GABRG1: variants seen among roughly 807,000 people sequenced by gnomAD.
The protein encoded by GABRG1 is gamma-aminobutyric acid receptor subunit gamma-1.
In GABRG1, 49 loss-of-function variants were observed where a neutral mutation model predicts 49.8. That is an observed-to-expected ratio of 0.98 (90% CI 0.78 to 1.25). The LOEUF (loss-of-function observed/expected upper bound fraction) is 1.25, where lower values mean the gene tolerates loss of function less well. Ranked by LOEUF, GABRG1 falls within the 50% of genes most tolerant of loss-of-function variation. The probability of loss-of-function intolerance (pLI) is 0.00; values close to 1 mark genes in which losing one functional copy is unlikely to be tolerated. For synonymous variants in GABRG1, 232 were observed against 185.1 expected, an observed-to-expected ratio of 1.25 and a Z score of -2.06; for missense variants, 552 against 552.3, an observed-to-expected ratio of 1.00 and a Z score of 0.01.
chr4:46,061,310 C>T (rs996242135), intron 5 of GABRG1, among the ~76,000 whole-genome samples: 1 of 150,956 alleles, frequency 6.6e-6, no homozygotes, highest in Non-Finnish European at 1.5e-5. Context: ...TTTAATGAGA[C>T]AAAATCATTA....
intron 2 of GABRG1, 44 bp from the exon 3 acceptor site, chr4:46,084,097 C>T: frequency 1.8e-6 from 2 of 1,088,590 alleles, no homozygotes; most frequent in Non-Finnish European, 2.7e-6. Context: ...TATGATTAGA[C>T]ATTGTTTTAA....
intron 3 of GABRG1, among the ~76,000 whole-genome samples, chr4:46,073,933 C>T (rs977058457): frequency 1.3e-5 from 2 of 151,990 alleles, no homozygotes; most frequent in Non-Finnish European, 2.9e-5. Flanking sequence ...TAACTGAAAC[C>T]ACAGAAAGCA....
intron 8 of GABRG1, among the ~76,000 whole-genome samples, chr4:46,042,333 A>G (rs1717818793): frequency 6.6e-6 from 1 of 152,014 alleles, no homozygotes; most frequent in Non-Finnish European, 1.5e-5. Context: ...TGTTACTGGA[A>G]AAAAGTTAAT....
chr4:46,088,807 GTGTGTGTT>G (rs1166397947), intron 2 of GABRG1, among the ~76,000 whole-genome samples: 57 of 144,368 alleles, frequency 3.9e-4, no homozygotes, highest in African/African-American at 7.9e-4. Context: ...GTGTGTGTTT[GTGTGTGTT>G]TGTGTGTGTG....
intron 3 of GABRG1, among the ~76,000 whole-genome samples, chr4:46,078,190 T>G (rs1719430392): frequency 6.6e-6 from 1 of 151,868 alleles, no homozygotes; most frequent in Non-Finnish European, 1.5e-5. Context: ...AAAATACAAA[T>G]GTGTTTCCTA....
At chr4:46,059,232 C>T (rs1468747048) in intron 5 of GABRG1, among the ~76,000 whole-genome samples, 1 of 152,090 alleles carries the variant, frequency 6.6e-6, no homozygotes, top group Non-Finnish European at 1.5e-5. Context: ...CAACATTGCT[C>T]TAGTAACATT....
chr4:46,063,699 G>C (rs1264152538), intron 5 of GABRG1, among the ~76,000 whole-genome samples: 1 of 152,042 alleles, frequency 6.6e-6, no homozygotes, highest in East Asian at 1.9e-4. Flanking sequence ...TTAAACTAAA[G>C]AGCTTCTGCA....
chr4:46,071,865 C>T (rs1382390153), intron 3 of GABRG1, among the ~76,000 whole-genome samples: 2 of 151,958 alleles, frequency 1.3e-5, no homozygotes, highest in East Asian at 3.9e-4. Flanking sequence ...ATTCAGTAAG[C>T]TGATAATAAT....
rs528794994 is a variant in GABRG1, at chr4:46,048,297, G to A, written c.1131+3127C>T. On this transcript the variant is annotated intron_variant, in intron 8 of 8. Transcript: ENST00000295452. ...ATTAGTAATAATATATATTGGATGGGCATATGAAACAATCCAAAATGTCAT... is the reference window on the plus strand; with the variant it reads ...ATTAGTAATAATATATATTGGATGGACATATGAAACAATCCAAAATGTCAT... Among the ~76,000 whole-genome samples the A allele has an allele frequency of 6.6e-5, 10 of 151,466 alleles. 1 individual carries two copies. The highest frequency in any genetic ancestry group is 1.7e-4 in the African/African-American group (7 of 41,316).
intron 2 of GABRG1, among the ~76,000 whole-genome samples, chr4:46,090,466 A>C (rs1354500209): frequency 6.6e-6 from 1 of 152,040 alleles, no homozygotes; most frequent in Admixed American, 6.6e-5. Context: ...TTTATATTTT[A>C]AGCATTGATT....
intron 5 of GABRG1, among the ~76,000 whole-genome samples, chr4:46,062,109 G>A (rs1426949076): frequency 1.4e-5 from 2 of 141,128 alleles, no homozygotes; most frequent in East Asian, 4.2e-4. Flanking sequence ...TCCCATCTAT[G>A]AGTGAGAACA....
chr4:46,087,765 T>C (rs1229237247), intron 2 of GABRG1, among the ~76,000 whole-genome samples: 3 of 151,884 alleles, frequency 2.0e-5, no homozygotes, highest in Admixed American at 6.6e-5. Context: ...GACCCAAAGA[T>C]AGATACCAAG....
chr4:46,051,599 A>G lies in GABRG1; in HGVS notation c.956T>C (p.Ile319Thr). ...AACCTTAGGTAAAGACTTCCTGGCA[A>G]TTGTACTCAGGGTTGTCATAGTCAG... ...TVLTMTTLSTIARKSLPKVSY... is the reference protein window; with the variant it reads ...TVLTMTTLSTTARKSLPKVSY... Residue 319 changes from isoleucine (I) to threonine (T), a missense_variant, in exon 8 of 9, where the codon ATT (isoleucine) becomes ACT (threonine). Transcript: ENST00000295452. The G allele has an allele frequency of 6.2e-7, 1 of 1,611,062 alleles. No homozygotes were observed. The highest frequency in any genetic ancestry group is 8.5e-7 in the Non-Finnish European group (1 of 1,178,000).
rs563170566 is a variant in GABRG1, at chr4:46,123,871, G to C, written c.43C>G (p.Arg15Gly). 6.2e-7 allele frequency: 1 copy of C among 1,613,616 alleles called. No individual in the cohort carries two copies. Among genetic ancestry groups the C allele is most frequent in the East Asian group, 2.2e-5 (1 of 44,840 alleles). Residue 15 changes from arginine (R) to glycine (G), a missense_variant, in exon 1 of 9, where the codon CGG (arginine) becomes GGG (glycine). Arg to Gly is a moderately radical substitution (Grantham distance 125, BLOSUM62 -2). Transcript: ENST00000295452. ...KAFLFSPFLLRSQSRGVRLVF... is the reference protein window; with the variant it reads ...KAFLFSPFLLGSQSRGVRLVF... The stretch of plus-strand genomic sequence containing the variant: ...AACCTCACCCCTCTACTTTGACTCC[G>C]CAGAAGAAAAGGGGAGAAGAGAAAA...
chr4:46,099,245 T>G (rs1028365614), intron 1 of GABRG1, among the ~76,000 whole-genome samples: 1 of 151,720 alleles, frequency 6.6e-6, no homozygotes, highest in African/African-American at 2.4e-5. Context: ...TGTGATTGAC[T>G]TGGGCTAATG....
Position 46,038,890 on chromosome 4 carries a change from C to A in GABRG1, c.*2098G>T, listed in dbSNP as rs1231161093. ...CATTTAAAACCAAGTTAATGAAACA[C>A]CAGTGAGAAAATCAAAGCTATTTTT... On this transcript the variant is annotated 3_prime_UTR_variant, in exon 9 of 9. Transcript: ENST00000295452. The A allele has an allele frequency of 6.6e-6, 1 of 151,520 alleles. No homozygotes were observed. Among genetic ancestry groups the A allele is most frequent in the Non-Finnish European group, 1.5e-5 (1 of 67,668 alleles). 9.4% of individuals were successfully genotyped at this position (151,520 alleles called of 1,614,324 possible). A position where few individuals can be genotyped will look rare whatever the true frequency, so the allele number is the denominator to read the frequency against.
At position 46,040,457 on chromosome 4, in the gene GABRG1, C is replaced by G. The variant is rs1717726102; in HGVS notation, c.*531G>C. 6.6e-6 allele frequency: 1 copy of G among 152,302 alleles called. No individual in the cohort carries two copies. The highest frequency in any genetic ancestry group is 1.5e-5 in the Non-Finnish European group (1 of 67,920). The allele number at this position is 152,302 out of a possible 1,614,324, so 9.4% of individuals were successfully genotyped here. A position where few individuals can be genotyped will look rare whatever the true frequency, so the allele number is the denominator to read the frequency against. On this transcript the variant is annotated 3_prime_UTR_variant, in exon 9 of 9. Coordinates refer to ENST00000295452, the MANE Select transcript of GABRG1 (RefSeq NM_173536.4). ...TAGTTTAAAAATAAATCAATTTCTT[C>G]TTGGGAATACAATATCTTGGAAGAA...
intron 2 of GABRG1, among the ~76,000 whole-genome samples, chr4:46,088,827 G>GTGTGTGTGTT (rs1719880327): frequency 6.6e-6 from 1 of 150,840 alleles, no homozygotes; most frequent in African/African-American, 2.4e-5. Flanking sequence ...GTGTGTGTGT[G>GTGTGTGTGTT]TGTGTGTGTG....
At chr4:46,112,801 A>T (rs1358677387) in intron 1 of GABRG1, among the ~76,000 whole-genome samples, 1 of 151,132 alleles carries the variant, frequency 6.6e-6, no homozygotes, top group East Asian at 2.0e-4. Flanking sequence ...GGTATGAGGT[A>T]AGGGTTGAAA....
Sources: allele counts gnomAD v4.1 joint callset (sites outside exome capture counted in the v4.1 genomes callset), GRCh38; gene constraint gnomAD v4.1.1; transcripts MANE v1.5; gene names NCBI Gene and HGNC (gene_info 2026-07-23, HGNC 2026-07-21).